Variants in AGAP1 observed in about 807,000 individuals in gnomAD.
AGAP1 encodes arf-GAP with GTPase, ANK repeat and PH domain-containing protein 1.
In AGAP1, 29 loss-of-function variants were observed where a neutral mutation model predicts 105.3. That is an observed-to-expected ratio of 0.28 (90% confidence interval 0.21 to 0.38). The LOEUF (loss-of-function observed/expected upper bound fraction) is 0.38, where lower values mean the gene tolerates loss of function less well. AGAP1 is among the 10% of genes least tolerant of loss of function. The pLI is 1.00. For missense variants in AGAP1, 998 were observed against 1,165.1 expected (o/e 0.86, Z 2.09); for synonymous variants, 509 against 485.9 (o/e 1.05, Z -0.63).
rs35303117 is a variant in AGAP1 at position 236,061,881 on chromosome 2, GAAAAA to G, written c.2114+12610_2114+12614del. ...ATGGTATATAAATTATGTCAATTTT[GAAAAA>G]AAAAAAAAAGGAATTTCCAAAGGAA... is the stretch of plus-strand genomic sequence containing the variant. On this transcript the variant is annotated intron_variant, in intron 16 of 17. Transcript: ENST00000304032. This position sits in a 1 kb window ranked among gnomAD's most constrained non-coding sequence, Gnocchi z 4.1. Among the ~76,000 whole-genome samples the G allele has an allele frequency of 1.6e-5, 2 of 121,374 alleles. No individual in the cohort carries two copies. The highest frequency in any genetic ancestry group is 5.9e-5 in the African/African-American group (2 of 33,742). 79.6% of individuals were successfully genotyped at this position (121,374 alleles called of 152,430 possible).
At chr2:235,852,951 A>T (rs2048538596) in intron 9 of AGAP1, 2 of 1,269,086 alleles carry the variant, frequency 1.6e-6, no homozygotes. Context: ...TAGACCTTTG[A>T]CACCTTCCAA....
At chr2:235,860,181 G>GCTT (rs2048869289) in intron 9 of AGAP1, among the ~76,000 whole-genome samples, 1 of 152,108 alleles carries the variant, frequency 6.6e-6, no homozygotes, top group South Asian at 2.1e-4. Flanking sequence ...AAGCAACAAA[G>GCTT]GAAAGGGCAT....
chr2:236,102,374 T>C (rs186586376), intron 16 of AGAP1, among the ~76,000 whole-genome samples: 215 of 142,972 alleles, frequency 1.5e-3, no homozygotes, highest in African/African-American at 5.1e-3. Flanking sequence ...GGCGAGATCA[T>C]GCCACTGCAC....
intron 1 of AGAP1, among the ~76,000 whole-genome samples, chr2:235,698,331 C>T (rs1302177257): frequency 5.9e-5 from 9 of 152,142 alleles, no homozygotes; most frequent in East Asian, 1.9e-4. Context: ...CAGCCAGCCA[C>T]GGATGAGTAC....
intron 6 of AGAP1, among the ~76,000 whole-genome samples, chr2:235,755,948 G>A (rs1953892080): frequency 2.0e-5 from 3 of 152,182 alleles, no homozygotes; most frequent in Admixed American, 1.3e-4. Context: ...TTATAACTTA[G>A]TGACAAAAAT....
Position 236,083,787 on chromosome 2 carries a change from C to G in AGAP1, c.2114+34506C>G, listed in dbSNP as rs1191188955. ...GGATGAACAGGTGTTTTAGGAGCCA[C>G]AATAAACCATCGCAGAGCAAGGAGT... On this transcript the variant is annotated intron_variant, in intron 16 of 17. Coordinates refer to ENST00000304032, the MANE Select transcript of AGAP1 (RefSeq NM_001037131.3). The surrounding 1 kb of genome is among the most constrained non-coding windows in gnomAD (Gnocchi z 5.3). 6.6e-6 allele frequency among the ~76,000 whole-genome samples: 1 copy of G among 152,024 alleles called. No homozygotes were observed. The highest frequency in any genetic ancestry group is 1.5e-5 in the Non-Finnish European group (1 of 68,022).
At chr2:235,576,100 T>A (rs1944724198) in intron 1 of AGAP1, among the ~76,000 whole-genome samples, 1 of 152,016 alleles carries the variant, frequency 6.6e-6, no homozygotes. Context: ...GATTTGTCGC[T>A]CCCCAGAGCC....
intron 12 of AGAP1, among the ~76,000 whole-genome samples, chr2:235,947,643 C>T (rs1207228523): frequency 6.6e-6 from 1 of 152,152 alleles, no homozygotes; most frequent in Non-Finnish European, 1.5e-5. Context: ...TCCCCCCGAC[C>T]AGAATTTAAG....
At chr2:235,768,559 A>G (rs1033327303) in intron 6 of AGAP1, among the ~76,000 whole-genome samples, 3 of 152,214 alleles carry the variant, frequency 2.0e-5, no homozygotes, top group African/African-American at 7.2e-5. Context: ...TTTTAGTGCC[A>G]AAGGACAATG....
chr2:235,494,585 C>A lies in AGAP1; in HGVS notation c.-102C>A. On this transcript the variant is annotated 5_prime_UTR_variant, in exon 1 of 18. Coordinates refer to ENST00000304032, the MANE Select transcript of AGAP1 (RefSeq NM_001037131.3). ...CTCCGCCCGCCGCCGGCGGGCCCGG[C>A]TCCCCGGGGGCTGCGGCGCCCCGGG... 1 of 332,344 alleles carries A rather than the reference C, an allele frequency of 3.0e-6. No homozygotes were observed. Among genetic ancestry groups the A allele is most frequent in the Non-Finnish European group, 4.2e-6 (1 of 238,700 alleles). 20.6% of individuals were successfully genotyped at this position (332,344 alleles called of 1,614,324 possible).
rs537540291 is a variant in AGAP1, at chr2:235,970,113, C to T, written c.1645+1490C>T. On this transcript the variant is annotated intron_variant, in intron 13 of 17. Transcript: ENST00000304032. This position sits in a 1 kb window ranked among gnomAD's most constrained non-coding sequence, Gnocchi z 5.4. ...GCTACCTGAGAGGCTGAGGCAGGAG[C>T]ATTGATTGAACCCAGGAGGTGGAGG... Among the ~76,000 whole-genome samples the T allele has an allele frequency of 6.7e-6, 1 of 149,956 alleles. No individual in the cohort carries two copies. The highest frequency in any genetic ancestry group is 2.1e-4 in the South Asian group (1 of 4,740).
intron 1 of AGAP1, among the ~76,000 whole-genome samples, chr2:235,656,242 G>T (rs1464975678): frequency 1.3e-5 from 2 of 151,982 alleles, no homozygotes; most frequent in African/African-American, 4.8e-5. Context: ...AACTTTTTTT[G>T]CAGGGCAGGC....
Position 236,036,511 on chromosome 2 carries a change from A to G in AGAP1, c.1646-50A>G, listed in dbSNP as rs1352432252. ...TCTGTGACAGAGGGCCCGCAGGGGG[A>G]CTGCTGTCTCATAAAAGCTAAACTC... On this transcript the variant is annotated intron_variant, in intron 13 of 17. Transcript: ENST00000304032. This position sits in a 1 kb window ranked among gnomAD's most constrained non-coding sequence, Gnocchi z 5.7. The G allele has an allele frequency of 2.5e-6, 4 of 1,597,524 alleles. No homozygotes were observed. In the Admixed American group the frequency reaches 6.8e-5, roughly 27 times the overall value.
chr2:235,848,612 C>T (rs1186538694), intron 9 of AGAP1, among the ~76,000 whole-genome samples: 1 of 152,184 alleles, frequency 6.6e-6, no homozygotes, highest in African/African-American at 2.4e-5. Context: ...ATTTAGTTTG[C>T]TCGGAAGGTA....
At chr2:235,925,828 G>C (rs1028230032) in intron 11 of AGAP1, among the ~76,000 whole-genome samples, 1 of 152,122 alleles carries the variant, frequency 6.6e-6, no homozygotes, top group Non-Finnish European at 1.5e-5. Flanking sequence ...TTGTATCCTA[G>C]CTTGTCTTGA....
intron 1 of AGAP1, among the ~76,000 whole-genome samples, chr2:235,685,376 T>TC (rs1949325272): frequency 6.6e-6 from 1 of 151,608 alleles, no homozygotes; most frequent in Non-Finnish European, 1.5e-5. Context: ...GCCCTGCTGA[T>TC]CCCCCTCCTG....
At position 235,740,914 on chromosome 2, in the gene AGAP1, C is replaced by T. The variant is rs769242532; in HGVS notation, c.311-49C>T. On this transcript the variant is annotated intron_variant, in intron 3 of 17. Coordinates refer to ENST00000304032, the MANE Select transcript of AGAP1 (RefSeq NM_001037131.3). This position sits in a 1 kb window ranked among gnomAD's most constrained non-coding sequence, Gnocchi z 5.7. The stretch of plus-strand genomic sequence containing the variant: ...GCGAAGCCCACGTCTGTCTGCCCTC[C>T]TCACTCTCTGTTGTTCTCGTGTAAC... 6.2e-7 allele frequency: 1 copy of T among 1,612,406 alleles called. No homozygotes were observed. Among genetic ancestry groups the T allele is most frequent in the Admixed American group, 1.7e-5 (1 of 60,016 alleles).
In AGAP1 at chr2:235,891,757, T is replaced by A. The variant is rs1290747023; in HGVS notation, c.1155+8308T>A. On this transcript the variant is annotated intron_variant, in intron 10 of 17. Coordinates refer to ENST00000304032, the MANE Select transcript of AGAP1 (RefSeq NM_001037131.3). The surrounding 1 kb of genome is among the most constrained non-coding windows in gnomAD (Gnocchi z 4.2). ...CTAGGAAAGCTCACCAGTGTTCCGG[T>A]CCTGGCTCTCTGGGCTTCCTCAGGA... Among the ~76,000 whole-genome samples, 1 of 152,140 alleles carries A rather than the reference T, an allele frequency of 6.6e-6. No individual in the cohort carries two copies. The highest frequency in any genetic ancestry group is 1.5e-5 in the Non-Finnish European group (1 of 68,032).
At chr2:235,920,524 C>T (rs1475477060) in intron 11 of AGAP1, among the ~76,000 whole-genome samples, 7 of 152,158 alleles carry the variant, frequency 4.6e-5, no homozygotes, top group Non-Finnish European at 1.0e-4. Flanking sequence ...ATCATCAGAC[C>T]TTTGGGATGC....
Sources: gnomAD v4.1 joint callset for allele counts (sites outside exome capture counted in the v4.1 genomes callset) on GRCh38, gnomAD v4.1.1 for gene constraint, Gnocchi (gnomAD v3.1) non-coding constraint, MANE v1.5 for transcripts, NCBI Gene and HGNC (gene_info 2026-07-23, HGNC 2026-07-21) for gene names.